Variants in CD177 observed in about 807,000 individuals in gnomAD.
The protein encoded by CD177 is CD177 antigen.
In CD177, 41 loss-of-function variants were observed where a neutral mutation model predicts 38.1. That is an observed-to-expected ratio of 1.07 (90% CI 0.84 to 1.39). The LOEUF (loss-of-function observed/expected upper bound fraction) is 1.39. Ranked by LOEUF, CD177 falls within the 40% of genes most tolerant of loss-of-function variation. CD177 has a pLI of 0.00. For missense variants in CD177, 619 were observed against 523.8 expected (o/e 1.18, Z -1.77); for synonymous variants, 236 against 216.7 (o/e 1.09, Z -0.78).
intron 3 of CD177, 155 bp downstream of exon 3, chr19:43,354,547 G>A: frequency 1.4e-6 from 1 of 720,374 alleles, no homozygotes; most frequent in South Asian, 1.7e-5. Flanking sequence ...CCATCGCCCC[G>A]CCCCGCTCCC....
Position 43,362,990 on chromosome 19 carries a change from T to C in CD177, c.*670T>C, listed in dbSNP as rs1969995654. The stretch of plus-strand genomic sequence containing the variant: ...CGTGCACTTACACCAACCCAGATGG[T>C]ACAGCCCAATACACACCCAGGATGG... On this transcript the variant is annotated 3_prime_UTR_variant, in exon 9 of 9. Transcript: ENST00000618265. The C allele has an allele frequency of 6.6e-6, 1 of 152,166 alleles. No homozygotes were observed. Among genetic ancestry groups the C allele is most frequent in the African/African-American group, 2.4e-5 (1 of 41,436 alleles). The allele number at this position is 152,166 out of a possible 1,614,324, so 9.4% of individuals were successfully genotyped here.
Position 43,353,692 on chromosome 19 carries a change from A to G in CD177, c.-23A>G, listed in dbSNP as rs755825835. On this transcript the variant is annotated 5_prime_UTR_variant, in exon 1 of 9. Transcript: ENST00000618265. ...TGTTTCCTGCTGAAAAAGCAGAAAG[A>G]GATTACCAGCCACAGACGGGTCATG... The G allele has an allele frequency of 6.2e-7, 1 of 1,613,704 alleles. No individual in the cohort carries two copies. The highest frequency in any genetic ancestry group is 1.1e-5 in the South Asian group (1 of 91,062).
chr19:43,360,292 C>A lies in CD177; in HGVS notation c.647C>A (p.Thr216Asn). 1 of 1,613,300 alleles carries A rather than the reference C, an allele frequency of 6.2e-7. No individual in the cohort carries two copies. Among genetic ancestry groups the A allele is most frequent in the Non-Finnish European group, 8.5e-7 (1 of 1,179,664 alleles). ...TTTCTGACCTGTCATCGGGGGACCA[C>A]CATTATGACACACGGAAACTTGGCT... is the stretch of plus-strand genomic sequence containing the variant. ...KDFLTCHRGT[T>N]IMTHGNLAQE... The change falls in exon 6 of 9, where the codon ACC becomes AAC. Residue 216 changes from threonine (T) to asparagine (N), a missense_variant. Transcript: ENST00000618265.
At chr19:43,360,772 T>C (rs1969951124) in intron 6 of CD177, 1 of 437,822 alleles carries the variant, frequency 2.3e-6, no homozygotes, top group South Asian at 3.0e-5. Flanking sequence ...TTATATGCCT[T>C]GAGAAACAGG....
rs1347979477 is a variant in CD177 at position 43,354,280 on chromosome 19, C to T, written c.267C>T (p.His89=). 5.0e-6 allele frequency: 8 copies of T among 1,613,952 alleles called. No homozygotes were observed. The highest frequency in any genetic ancestry group is 6.8e-6 in the Non-Finnish European group (8 of 1,179,892). ...AKDQEPRVTE[H]RMGPGLSLIS... ...ACCAGGAGCCCCGCGTCACTGAGCA[C>T]CGGATGGGCCCCGGCCTCTCCCTGA... is the stretch of plus-strand genomic sequence containing the variant. Residue 89 remains histidine (H), a synonymous_variant, in exon 3 of 9, where the codon CAC becomes CAT. Coordinates refer to ENST00000618265, the MANE Select transcript of CD177 (RefSeq NM_020406.4).
In CD177 at chr19:43,362,450, A is replaced by G. The variant is rs578247098; in HGVS notation, c.*130A>G. On this transcript the variant is annotated 3_prime_UTR_variant, in exon 9 of 9. Transcript: ENST00000618265. ...TCCATGAATCATCTTCCCCACACAC[A>G]ATCATTCATATCTACTCACCTAACA... 3.5e-6 allele frequency: 2 copies of G among 575,390 alleles called. No individual in the cohort carries two copies. The highest frequency in any genetic ancestry group is 2.9e-5 in the East Asian group (1 of 34,834). 35.6% of individuals were successfully genotyped at this position (575,390 alleles called of 1,614,324 possible).
At chr19:43,363,525 TG>T (rs1959899181), downstream of CD177, among the ~76,000 whole-genome samples, 1 of 152,176 alleles carries the variant, frequency 6.6e-6, no homozygotes, top group African/African-American at 2.4e-5. Flanking sequence ...ACAATGATAC[TG>T]GGGAGGGAAG....
rs1272026896 is a variant in CD177, at chr19:43,361,162, G to T, written c.780G>T (p.Val260=). 3.3e-6 allele frequency: 5 copies of T among 1,535,318 alleles called. 2 individuals carry two copies. Among genetic ancestry groups the T allele is most frequent in the Non-Finnish European group, 9.0e-7 (1 of 1,110,780 alleles). Residue 260 remains valine (V), a synonymous_variant, in exon 7 of 9, where the codon GTG becomes GTT. Coordinates refer to ENST00000618265, the MANE Select transcript of CD177 (RefSeq NM_020406.4). The stretch of plus-strand genomic sequence containing the variant: ...CCTCAGGACTCACATCAACCCTGGT[G>T]GGGACAAAAGGCTGCAGCACTGTTG... The part of the protein sequence containing the change: ...LLDVGLTSTL[V]GTKGCSTVGA...
At chr19:43,354,441 TC>T in intron 3 of CD177, 49 bp downstream of exon 3, 2 of 1,593,266 alleles carry the variant, frequency 1.3e-6, no homozygotes, top group Non-Finnish European at 1.7e-6. Flanking sequence ...TAGAAGGGGA[TC>T]CGCTGAGCAC....
chr19:43,354,767 A>G (rs1253423771), intron 3 of CD177, among the ~76,000 whole-genome samples: 1 of 151,938 alleles, frequency 6.6e-6, no homozygotes, highest in African/African-American at 2.4e-5. Context: ...CCTAAGGGAG[A>G]CTGAACTGTA....
At chr19:43,354,090 C>T in intron 2 of CD177, 97 bp downstream of exon 2, 19 of 1,566,176 alleles carry the variant, frequency 1.2e-5, no homozygotes, top group Non-Finnish European at 1.6e-5. Flanking sequence ...GGGATCGACT[C>T]CTAGGGTCCC....
downstream of CD177, among the ~76,000 whole-genome samples, chr19:43,365,346 G>A (rs1970018668): frequency 8.2e-6 from 1 of 122,512 alleles, no homozygotes; most frequent in Admixed American, 8.5e-5. Flanking sequence ...CCCTATCCAT[G>A]TGGCCATCTG....
At chr19:43,354,666 T>C (rs1421327220) in intron 3 of CD177, 9 of 592,580 alleles carry the variant, frequency 1.5e-5, no homozygotes, top group Non-Finnish European at 2.7e-5. Flanking sequence ...TGATATGAAA[T>C]CACCATTAAC....
intron 6 of CD177, 190 bp from the exon 7 acceptor site, chr19:43,360,953 G>C (rs1375010549): frequency 1.6e-6 from 1 of 612,958 alleles, no homozygotes; most frequent in East Asian, 2.7e-5. Flanking sequence ...CTGGGAGGAG[G>C]CAGAGCTTCG....
At position 43,361,457 on chromosome 19, in the gene CD177, C is replaced by A; in HGVS notation, c.959C>A (p.Pro320Gln). The part of the protein sequence containing the change: ...NSLPPQAAPV[P>Q]GDRQCPTCVQ... ...CTCTGCTCCCCAGCTGCCCCTGTCC[C>A]AGGAGACCGGCAGTGTCCTACCTGT... is the stretch of plus-strand genomic sequence containing the variant. The change falls in exon 8 of 9, where the codon CCA (proline) becomes CAA (glutamine). Residue 320 changes from proline (P) to glutamine (Q), a missense_variant. Transcript: ENST00000618265. The A allele has an allele frequency of 1.3e-6, 2 of 1,584,540 alleles. No individual in the cohort carries two copies. Among genetic ancestry groups the A allele is most frequent in the East Asian group, 2.2e-5 (1 of 44,748 alleles).
In CD177 at chr19:43,355,475, C is replaced by T. The variant is rs138701340; in HGVS notation, c.380-186C>T. ...CAGACCTCCTGTTCATTCTCCCTTCCTCTTTTATGGATTACACTTCTTTAT... is the reference window on the plus strand; with the variant it reads ...CAGACCTCCTGTTCATTCTCCCTTCTTCTTTTATGGATTACACTTCTTTAT... On this transcript the variant is annotated intron_variant, in intron 3 of 8. Transcript: ENST00000618265. 5.9e-3 allele frequency: 3,907 copies of T among 665,272 alleles called. 29 individuals are homozygous for T. Among genetic ancestry groups the T allele is most frequent in the Middle Eastern group, 0.011 (43 of 3,930 alleles). 41.2% of individuals were successfully genotyped at this position (665,272 alleles called of 1,614,324 possible). A position where few individuals can be genotyped will look rare whatever the true frequency, so the allele number is the denominator to read the frequency against.
chr19:43,354,546 C>A, intron 3 of CD177, 154 bp downstream of exon 3: 1 of 745,810 alleles, frequency 1.3e-6, no homozygotes, highest in South Asian at 1.7e-5. Flanking sequence ...ACCATCGCCC[C>A]GCCCCGCTCC....
rs1969992301 is a variant in CD177, at chr19:43,362,820, C to T, written c.*500C>T. 6.5e-6 allele frequency: 1 copy of T among 152,736 alleles called. No homozygotes were observed. Among genetic ancestry groups the T allele is most frequent in the African/African-American group, 2.4e-5 (1 of 41,454 alleles). The allele number at this position is 152,736 out of a possible 1,614,324, so 9.5% of individuals were successfully genotyped here. ...GAGACGTATGAGGCTTCCAGCCTAGCAGCCAGGGCCCTAGCACAAACAGGA... is the reference window on the plus strand; with the variant it reads ...GAGACGTATGAGGCTTCCAGCCTAGTAGCCAGGGCCCTAGCACAAACAGGA... On this transcript the variant is annotated 3_prime_UTR_variant, in exon 9 of 9. Coordinates refer to ENST00000618265, the MANE Select transcript of CD177 (RefSeq NM_020406.4).
Position 43,361,653 on chromosome 19 carries a change from C to T in CD177, c.1081+74C>T, listed in dbSNP as rs988940401. On this transcript the variant is annotated intron_variant, in intron 8 of 8. Coordinates refer to ENST00000618265, the MANE Select transcript of CD177 (RefSeq NM_020406.4). ...ACTCCTGGGTCTGAGGGAGGAGGGG[C>T]TGGGGGCCTGGACTCCTGGTCCGAG... The T allele has an allele frequency of 2.7e-6, 4 of 1,458,422 alleles. No individual in the cohort carries two copies. In the African/African-American group the frequency reaches 5.7e-5, roughly 21 times the overall value. 90.3% of individuals were successfully genotyped at this position (1,458,422 alleles called of 1,614,324 possible).
Sources: gnomAD v4.1 joint callset for allele counts (sites outside exome capture counted in the v4.1 genomes callset) on GRCh38, gnomAD v4.1.1 for gene constraint, MANE v1.5 for transcripts, NCBI Gene and HGNC (gene_info 2026-07-23, HGNC 2026-07-21) for gene names.